The following DOCK4 variants were observed in gnomAD, a reference collection of about 807,000 sequenced individuals.
DOCK4 encodes the protein dedicator of cytokinesis 4, also known as dedicator of cytokinesis protein 4.
A neutral mutation model predicts 268.1 loss-of-function variants in DOCK4; 97 were observed. The observed-to-expected ratio is 0.36, with a 90% CI of 0.31 to 0.43. DOCK4 has a LOEUF of 0.43. Among genes scored for constraint, DOCK4 ranks in the 20% least tolerant of loss-of-function variants. The pLI is 1.00. For missense variants in DOCK4, 2,145 were observed against 2,455.7 expected (o/e 0.87, Z 2.67); for synonymous variants, 954 against 887.2 (o/e 1.08, Z -1.34).
At position 111,845,229 on chromosome 7, in the gene DOCK4, G is replaced by C. The variant is rs563665461; in HGVS notation, c.2602-332C>G. On this transcript the variant is annotated intron_variant, in intron 24 of 52. Transcript: ENST00000428084. ...GCCTCTCTGAGCCTGAATCTTCACT[G>C]AGAGTCCATCCTTGTTCTTGGTCTA... Among the ~76,000 whole-genome samples, 4 of 152,328 alleles carry C rather than the reference G, an allele frequency of 2.6e-5. No individual in the cohort carries two copies. The South Asian group carries it at 8.3e-4, about 32-fold the overall frequency.
rs772739833 is a variant in DOCK4 at position 111,844,812 on chromosome 7, C to T, written c.2687G>A (p.Arg896Gln). The T allele has an allele frequency of 6.2e-6, 10 of 1,613,504 alleles. No homozygotes were observed. In the Admixed American group the frequency reaches 6.7e-5, roughly 11 times the overall value. Residue 896 changes from arginine to glutamine, a missense_variant, in exon 25 of 53, where the codon CGA becomes CAA. Physicochemically the swap from Arg to Gln is conservative, Grantham distance 43. This residue lies in a region of DOCK4 where 1,598 missense variants were observed against 1,986.7 expected (regional missense o/e 0.80). Coordinates refer to ENST00000428084, the MANE Select transcript of DOCK4 (RefSeq NM_001363540.2). ...CATTGCTGAGCTGGATGGCTGAGGT[C>T]GGCTGGTGATCTCCAATATGGTCCT... ...LLRTILEITSRPQPSSSAMRF... is the reference protein window; with the variant it reads ...LLRTILEITSQPQPSSSAMRF...
At chr7:111,959,184 C>G (rs1177719844) in intron 8 of DOCK4, among the ~76,000 whole-genome samples, 1 of 152,066 alleles carries the variant, frequency 6.6e-6, no homozygotes, top group Non-Finnish European at 1.5e-5. Context: ...GCCAGCATGT[C>G]TAGACATGGC....
intron 21 of DOCK4, 92 bp downstream of exon 21, chr7:111,869,482 C>G: frequency 9.6e-7 from 1 of 1,041,906 alleles, no homozygotes; most frequent in South Asian, 1.3e-5. Flanking sequence ...ACATCATCAC[C>G]CATTACTGTC....
chr7:112,132,767 G>C (rs1195632147), intron 1 of DOCK4, among the ~76,000 whole-genome samples: 1 of 152,072 alleles, frequency 6.6e-6, no homozygotes, highest in Non-Finnish European at 1.5e-5. Flanking sequence ...TTAAAGGATG[G>C]GCAGAATACT....
intron 52 of DOCK4, among the ~76,000 whole-genome samples, chr7:111,730,716 C>T (rs563194914): frequency 2.6e-5 from 4 of 152,156 alleles, no homozygotes; most frequent in African/African-American, 7.2e-5. Flanking sequence ...TAGCAGTGTG[C>T]CCCCTAATGT....
chr7:112,165,711 G>T (rs1016523076), intron 1 of DOCK4, among the ~76,000 whole-genome samples: 9 of 151,902 alleles, frequency 5.9e-5, no homozygotes, highest in Non-Finnish European at 1.2e-4. Context: ...TTACAGTAAT[G>T]TAAGGGGAAA....
At chr7:111,798,165 AC>A (rs1800031515) in intron 30 of DOCK4, among the ~76,000 whole-genome samples, 1 of 152,128 alleles carries the variant, frequency 6.6e-6, no homozygotes, top group Non-Finnish European at 1.5e-5. Flanking sequence ...AGAAAAAGCC[AC>A]CTCAACCCTG....
intron 1 of DOCK4, among the ~76,000 whole-genome samples, chr7:112,025,191 G>A (rs1802672813): frequency 1.3e-5 from 2 of 149,846 alleles, no homozygotes; most frequent in Admixed American, 6.7e-5. Context: ...ACCATGCTGG[G>A]TGCTAGGGAT....
chr7:112,188,452 G>A, intron 1 of DOCK4, among the ~76,000 whole-genome samples: 1 of 152,160 alleles, frequency 6.6e-6, no homozygotes, highest in East Asian at 1.9e-4. Flanking sequence ...TAGAATCCTG[G>A]CCTCTTTCAT....
At chr7:111,784,939 G>A (rs879629207) in intron 32 of DOCK4, among the ~76,000 whole-genome samples, 3 of 152,162 alleles carry the variant, frequency 2.0e-5, no homozygotes, top group Non-Finnish European at 2.9e-5. Context: ...TACAGTCTAA[G>A]CATATCATAT....
chr7:112,142,502 T>C (rs748640053), intron 1 of DOCK4, among the ~76,000 whole-genome samples: 3 of 152,190 alleles, frequency 2.0e-5, no homozygotes, highest in Non-Finnish European at 4.4e-5. Context: ...TCAGGAAAGC[T>C]CATCACTAAT....
At chr7:112,081,394 A>ATCAGGGTGGCTTTCATCCCAGAC (rs1808568389) in intron 1 of DOCK4, among the ~76,000 whole-genome samples, 1 of 152,118 alleles carries the variant, frequency 6.6e-6, no homozygotes, top group Non-Finnish European at 1.5e-5. Flanking sequence ...ACAGTCACAA[A>ATCAGGGTGGCTTTCATCCCAGAC]TCAGGGTGGC....
chr7:112,166,139 T>C (rs71561757), intron 1 of DOCK4, among the ~76,000 whole-genome samples: 7 of 152,146 alleles, frequency 4.6e-5, no homozygotes, highest in Non-Finnish European at 7.4e-5. Flanking sequence ...TAAACATCAA[T>C]GTCCACTATA....
chr7:111,902,741 A>G (rs987209626), intron 13 of DOCK4, among the ~76,000 whole-genome samples: 7 of 152,194 alleles, frequency 4.6e-5, no homozygotes, highest in Non-Finnish European at 1.0e-4. Flanking sequence ...GAAAAAATCA[A>G]AAGTAATACT....
intron 36 of DOCK4, among the ~76,000 whole-genome samples, chr7:111,773,863 A>C (rs1310700014): frequency 6.6e-6 from 1 of 151,974 alleles, no homozygotes; most frequent in Non-Finnish European, 1.5e-5. Context: ...CCAAAAAAAA[A>C]AAAATTAGCT....
At chr7:112,203,294 A>C (rs1440547353) in intron 1 of DOCK4, among the ~76,000 whole-genome samples, 1 of 152,186 alleles carries the variant, frequency 6.6e-6, no homozygotes, top group Non-Finnish European at 1.5e-5. Context: ...TAACTTCATC[A>C]CTATACCTTT....
At chr7:111,890,362 A>G (rs936295537) in intron 16 of DOCK4, among the ~76,000 whole-genome samples, 1 of 152,234 alleles carries the variant, frequency 6.6e-6, no homozygotes, top group African/African-American at 2.4e-5. Context: ...AAAACTTAAG[A>G]TTAAATATGG....
chr7:112,190,848 A>C (rs1645925859), intron 1 of DOCK4, among the ~76,000 whole-genome samples: 1 of 152,166 alleles, frequency 6.6e-6, no homozygotes, highest in South Asian at 2.1e-4. Context: ...AGAGGTACCT[A>C]TTAAGCACAC....
chr7:112,078,026 T>C (rs1808241154), intron 1 of DOCK4, among the ~76,000 whole-genome samples: 1 of 152,168 alleles, frequency 6.6e-6, no homozygotes, highest in Non-Finnish European at 1.5e-5. Context: ...TTGGCATAGA[T>C]ATTAATTACA....
Sources: gnomAD v4.1 joint callset for allele counts (sites outside exome capture counted in the v4.1 genomes callset) on GRCh38, gnomAD v4.1.1 for gene constraint, gnomAD v4.1.1 regional missense constraint, MANE v1.5 for transcripts, NCBI Gene and HGNC (gene_info 2026-07-23, HGNC 2026-07-21) for gene names.